Variants in GGT5 observed in about 807,000 individuals in gnomAD.
GGT5 encodes gamma-glutamyltransferase 5.
GGT5 carries 50 observed loss-of-function variants against 58.1 expected under a neutral mutation model. That is an observed-to-expected ratio of 0.86 (90% CI 0.69 to 1.09). The LOEUF is 1.09. Among genes scored for constraint, GGT5 ranks in the 50% least tolerant of loss-of-function variants. The pLI is 0.00. For missense variants in GGT5, 800 were observed against 789.4 expected (o/e 1.01, Z -0.16); for synonymous variants, 370 against 346.1 (o/e 1.07, Z -0.77).
chr22:24,244,442 T>TCACACACA, intron 1 of GGT5, 111 bp downstream of exon 1: 1 of 901,008 alleles, frequency 1.1e-6, no homozygotes, highest in Non-Finnish European at 1.8e-6. Flanking sequence ...ACCCAGACAC[T>TCACACACA]CACACACACA....
At chr22:24,237,724 A>G (rs1423996619) in intron 1 of GGT5, among the ~76,000 whole-genome samples, 1 of 152,168 alleles carries the variant, frequency 6.6e-6, no homozygotes, top group South Asian at 2.1e-4. Context: ...ATTTTTATAC[A>G]TACTCTCCAG....
intron 7 of GGT5, among the ~76,000 whole-genome samples, 175 bp downstream of exon 7, chr22:24,226,456 T>C (rs2047768268): frequency 6.6e-6 from 1 of 152,164 alleles, no homozygotes; most frequent in Non-Finnish European, 1.5e-5. Flanking sequence ...ATGGTGCCAC[T>C]CCTGCACCTG....
chr22:24,244,965 G>C lies in GGT5; in HGVS notation c.-240C>G. 1.6e-6 allele frequency: 1 copy of C among 630,964 alleles called. No homozygotes were observed. The highest frequency in any genetic ancestry group is 2.6e-6 in the Non-Finnish European group (1 of 379,928). The allele number at this position is 630,964 out of a possible 1,614,324, so 39.1% of individuals were successfully genotyped here. The stretch of plus-strand genomic sequence containing the variant: ...GGGACAGAGATGGGCTTACAGATGG[G>C]CGGACAGACAGACAGGTCTGAACAG... On this transcript the variant is annotated 5_prime_UTR_variant, in exon 1 of 12. Coordinates refer to ENST00000327365, the MANE Select transcript of GGT5 (RefSeq NM_004121.5).
At chr22:24,220,180 G>A in intron 11 of GGT5, 64 bp from the exon 12 acceptor site, 2 of 1,500,130 alleles carry the variant, frequency 1.3e-6, no homozygotes, top group Non-Finnish European at 1.8e-6. Flanking sequence ...GGAGGGAGAG[G>A]CCTCTGCAAG....
At position 24,226,779 on chromosome 22, in the gene GGT5, T is replaced by A. The variant is rs771180375; in HGVS notation, c.902-12A>T. 6.2e-7 allele frequency: 1 copy of A among 1,613,544 alleles called. No homozygotes were observed. ...TGAGAAGTTGAACCCTGGAGAGAGGTTGGGGCACAGGTTGGTTGGGGTCAC... is the reference window on the plus strand; with the variant it reads ...TGAGAAGTTGAACCCTGGAGAGAGGATGGGGCACAGGTTGGTTGGGGTCAC... On this transcript the variant is annotated splice_polypyrimidine_tract_variant and intron_variant, in intron 6 of 11. Transcript: ENST00000327365.
In GGT5 at chr22:24,232,228, T is replaced by G; in HGVS notation, c.597-20A>C. The G allele has an allele frequency of 2.7e-5, 24 of 882,778 alleles. No homozygotes were observed. Among genetic ancestry groups the G allele is most frequent in the Middle Eastern group, 3.1e-4 (1 of 3,192 alleles). 54.7% of individuals were successfully genotyped at this position (882,778 alleles called of 1,614,324 possible). A position where few individuals can be genotyped will look rare whatever the true frequency, so the allele number is the denominator to read the frequency against. ...AGCTGGCTGGGGGGTGGGGGGAGCCTCAGGGTGGGGCCAGGTCCCAGAGGC... is the reference window on the plus strand; with the variant it reads ...AGCTGGCTGGGGGGTGGGGGGAGCCGCAGGGTGGGGCCAGGTCCCAGAGGC... On this transcript the variant is annotated intron_variant, in intron 4 of 11. Coordinates refer to ENST00000327365, the MANE Select transcript of GGT5 (RefSeq NM_004121.5).
intron 1 of GGT5, among the ~76,000 whole-genome samples, chr22:24,237,509 A>T (rs758294871): frequency 6.6e-6 from 1 of 152,026 alleles, no homozygotes; most frequent in Non-Finnish European, 1.5e-5. Flanking sequence ...CCTGGGTTCA[A>T]GCAATTCTCC....
rs370254810 is a variant in GGT5 at position 24,232,996 on chromosome 22, G to T, written c.423C>A (p.Pro141=). The change falls in exon 4 of 12, where the codon CCC becomes CCA. Residue 141 remains proline (P), a synonymous_variant. Transcript: ENST00000327365. ...CCTCGGCATAGCCACGGAGCTCCCC[G>T]GGCACCCCGATCCACTGGGCCCCTG... is the stretch of plus-strand genomic sequence containing the variant. ...LGTGAQWIGV[P]GELRGYAEAH... is the part of the protein sequence containing the mutation. The T allele has an allele frequency of 6.5e-7, 1 of 1,548,592 alleles. No individual in the cohort carries two copies. Among genetic ancestry groups the T allele is most frequent in the Admixed American group, 1.9e-5 (1 of 51,868 alleles).
chr22:24,239,760 C>G (rs2048279021), intron 1 of GGT5, among the ~76,000 whole-genome samples: 1 of 151,988 alleles, frequency 6.6e-6, no homozygotes, highest in Non-Finnish European at 1.5e-5. Context: ...TTCCAAGGTT[C>G]TTCTACTGAC....
rs1306097785 is a variant in GGT5, at chr22:24,233,995, G to A, written c.183C>T (p.Leu61=). The A allele has an allele frequency of 2.5e-6, 4 of 1,609,648 alleles. No homozygotes were observed. The highest frequency in any genetic ancestry group is 2.2e-5 in the South Asian group (2 of 90,582). ...CATCCACGGGTGAGCCCTGCTGCTG[G>A]AGGATGGCTCTAGGGGACATGGCAC... ...KVCSDIGRAI[L]QQQGSPVDAT... The change falls in exon 2 of 12, where the codon CTC becomes CTT. Residue 61 remains leucine (L), a synonymous_variant. Transcript: ENST00000327365.
At chr22:24,241,729 A>T (rs2048332437) in intron 1 of GGT5, 1 of 151,970 alleles carries the variant, frequency 6.6e-6, no homozygotes, top group Non-Finnish European at 1.5e-5. Flanking sequence ...TATATCTTAT[A>T]TAGCTATTAT....
intron 11 of GGT5, among the ~76,000 whole-genome samples, chr22:24,223,343 G>A (rs1251326142): frequency 6.6e-6 from 1 of 152,114 alleles, no homozygotes; most frequent in African/African-American, 2.4e-5. Context: ...GGAGGTTGTG[G>A]TGAGGCAAGA....
chr22:24,239,032 T>C (rs2048255164), intron 1 of GGT5, among the ~76,000 whole-genome samples: 1 of 129,550 alleles, frequency 7.7e-6, no homozygotes, highest in Non-Finnish European at 1.6e-5. Context: ...TTCCCAAAGA[T>C]ATTTTTATAA....
At chr22:24,224,788 C>A (rs1181457335) in intron 11 of GGT5, among the ~76,000 whole-genome samples, 1 of 152,226 alleles carries the variant, frequency 6.6e-6, no homozygotes, top group Non-Finnish European at 1.5e-5. Context: ...ATAGACAATA[C>A]CCTGCTCTCT....
At chr22:24,237,753 C>G (rs2148933619) in intron 1 of GGT5, among the ~76,000 whole-genome samples, 1 of 152,198 alleles carries the variant, frequency 6.6e-6, no homozygotes, top group Middle Eastern at 3.4e-3. Context: ...TAAAAACAAC[C>G]AAGCAAACAA....
At chr22:24,228,394 G>A (rs1326440124) in intron 6 of GGT5, among the ~76,000 whole-genome samples, 2 of 151,142 alleles carry the variant, frequency 1.3e-5, no homozygotes, top group Non-Finnish European at 2.9e-5. Context: ...GGCCTGTCCA[G>A]TGCCACCCTT....
At position 24,219,734 on chromosome 22, in the gene GGT5, G is replaced by T; in HGVS notation, c.*236C>A. The T allele has an allele frequency of 1.8e-6, 1 of 541,812 alleles. No homozygotes were observed. The highest frequency in any genetic ancestry group is 3.3e-6 in the Non-Finnish European group (1 of 301,898). The allele number at this position is 541,812 out of a possible 1,614,324, so 33.6% of individuals were successfully genotyped here. On this transcript the variant is annotated 3_prime_UTR_variant, in exon 12 of 12. Transcript: ENST00000327365. ...GTGGGAGAGTGGCCCCAGGCAAGAG[G>T]CCTGCGGAGGGATAGAGGGGCCGGT...
intron 6 of GGT5, among the ~76,000 whole-genome samples, chr22:24,230,300 A>G (rs2047899825): frequency 6.6e-6 from 1 of 151,924 alleles, no homozygotes; most frequent in African/African-American, 2.4e-5. Context: ...CCTGGGAGGC[A>G]GAGGTTGCAG....
In GGT5 at chr22:24,225,568, A is replaced by G. The variant is rs1569355196; in HGVS notation, c.1314T>C (p.Gly438=). ...LLDLCERCPR[G]SGTTPSPVSG... ...CACCAGGTGAGGGGGTGGTGCCGGAACCCCGGGGGCATCGCTCGCATAAGT... is the reference window on the plus strand; with the variant it reads ...CACCAGGTGAGGGGGTGGTGCCGGAGCCCCGGGGGCATCGCTCGCATAAGT... The change falls in exon 9 of 12, where the codon GGT becomes GGC. Residue 438 remains glycine, a synonymous_variant. Transcript: ENST00000327365. 1 of 1,611,340 alleles carries G rather than the reference A, an allele frequency of 6.2e-7. No individual in the cohort carries two copies.
Sources: allele counts gnomAD v4.1 joint callset (sites outside exome capture counted in the v4.1 genomes callset), GRCh38; gene constraint gnomAD v4.1.1; transcripts MANE v1.5; gene names NCBI Gene and HGNC (gene_info 2026-07-23, HGNC 2026-07-21).